The following EFR3B variants were observed in gnomAD, a reference collection of about 807,000 sequenced individuals.
The protein encoded by EFR3B is protein EFR3 homolog B.
Under a neutral mutation model 104.7 loss-of-function variants are expected in EFR3B, and 64 were observed. The observed-to-expected ratio is 0.61, with a 90% CI of 0.50 to 0.75. The LOEUF (loss-of-function observed/expected upper bound fraction) is 0.75. Among genes scored for constraint, EFR3B ranks in the 30% least tolerant of loss-of-function variants. The pLI, the probability that EFR3B is intolerant of heterozygous loss-of-function variation, is 0.00. For missense variants in EFR3B, 750 were observed against 1,078.5 expected (o/e 0.70, Z 4.27); for synonymous variants, 385 against 417.9 (o/e 0.92, Z 0.96).
chr2:25,064,191 GC>G (rs1668271801), intron 1 of EFR3B, among the ~76,000 whole-genome samples: 1 of 152,218 alleles, frequency 6.6e-6, no homozygotes, highest in South Asian at 2.1e-4. Context: ...TCTGGGCATG[GC>G]GCCTGTCTTG....
At position 25,156,291 on chromosome 2, in the gene EFR3B, T is replaced by G. The variant is rs11463493; in HGVS notation, c.*1951T>G. The G allele has an allele frequency of 4.0e-5, 2 of 50,124 alleles. No homozygotes were observed. Among genetic ancestry groups the G allele is most frequent in the Non-Finnish European group, 6.7e-5 (2 of 29,986 alleles). 3.1% of individuals were successfully genotyped at this position (50,124 alleles called of 1,614,324 possible). On this transcript the variant is annotated 3_prime_UTR_variant, in exon 23 of 23. Transcript: ENST00000403714. ...GTGGGCACACAGCTTCTTTTTCTTG[T>G]TTTTTTTTTTTTTTTTTTTTTTTTG... is the stretch of plus-strand genomic sequence containing the variant.
Position 25,157,605 on chromosome 2 carries a change from A to C in EFR3B, c.*3265A>C, listed in dbSNP as rs1410734066. ...GACTCTAGCTGTGTGGGGAAGGGCT[A>C]GCATTGGTCAGGACTCTGCTGACAG... is the stretch of plus-strand genomic sequence containing the variant. On this transcript the variant is annotated 3_prime_UTR_variant, in exon 23 of 23. Coordinates refer to ENST00000403714, the MANE Select transcript of EFR3B (RefSeq NM_014971.2). 6.6e-6 allele frequency: 1 copy of C among 152,274 alleles called. No individual in the cohort carries two copies. Among genetic ancestry groups the C allele is most frequent in the Non-Finnish European group, 1.5e-5 (1 of 68,064 alleles). The allele number at this position is 152,274 out of a possible 1,614,324, so 9.4% of individuals were successfully genotyped here. A position where few individuals can be genotyped will look rare whatever the true frequency, so the allele number is the denominator to read the frequency against.
At chr2:25,153,621 C>T in intron 21 of EFR3B, 91 bp from the exon 22 acceptor site, 1 of 1,310,878 alleles carries the variant, frequency 7.6e-7, no homozygotes, top group African/African-American at 1.5e-5. Context: ...TGCCCTGTAC[C>T]TCCAGCGTAT....
chr2:25,118,976 G>T (rs929912625), intron 4 of EFR3B, among the ~76,000 whole-genome samples: 1 of 152,026 alleles, frequency 6.6e-6, no homozygotes, highest in South Asian at 2.1e-4. Flanking sequence ...ATTAATTTTG[G>T]CCATTCATTC....
In EFR3B at chr2:25,042,587, G is replaced by T; in HGVS notation, c.7+268G>T. ...TCGGGGGGCGGAGGCTCAGGGGAAA[G>T]CGGGTCTCCCGGAGCCGAGCAGACC... On this transcript the variant is annotated intron_variant, in intron 1 of 22. Transcript: ENST00000403714. The surrounding 1 kb of genome is among the most constrained non-coding windows in gnomAD (Gnocchi z 5.4). 1.7e-6 allele frequency: 2 copies of T among 1,196,104 alleles called. No individual in the cohort carries two copies. Among genetic ancestry groups the T allele is most frequent in the Non-Finnish European group, 2.1e-6 (2 of 965,334 alleles). The allele number at this position is 1,196,104 out of a possible 1,614,324, so 74.1% of individuals were successfully genotyped here.
In EFR3B at chr2:25,132,975, G is replaced by C; in HGVS notation, c.1220G>C (p.Arg407Pro). The C allele has an allele frequency of 1.3e-6, 2 of 1,551,590 alleles. No homozygotes were observed. The highest frequency in any genetic ancestry group is 1.7e-6 in the Non-Finnish European group (2 of 1,146,964). The change falls in exon 11 of 23, where the codon CGG becomes CCG. Residue 407 changes from arginine to proline, a missense_variant. By Grantham distance (103) the Arg-to-Pro change is moderately radical. Transcript: ENST00000403714. ...CTCTTCATCATGAGCAAGGTCCCGC[G>C]GCCATCCCTGCACCAGGCGGTGGAC... ...VILFIMSKVP[R>P]PSLHQAVDTG...
At position 25,156,974 on chromosome 2, in the gene EFR3B, TG is replaced by T. The variant is rs1388486701; in HGVS notation, c.*2636del. 1 of 152,212 alleles carries T rather than the reference TG, an allele frequency of 6.6e-6. No individual in the cohort carries two copies. The highest frequency in any genetic ancestry group is 1.5e-5 in the Non-Finnish European group (1 of 68,044). The allele number at this position is 152,212 out of a possible 1,614,324, so 9.4% of individuals were successfully genotyped here. A position where few individuals can be genotyped will look rare whatever the true frequency, so the allele number is the denominator to read the frequency against. On this transcript the variant is annotated 3_prime_UTR_variant, in exon 23 of 23. Coordinates refer to ENST00000403714, the MANE Select transcript of EFR3B (RefSeq NM_014971.2). ...CATCCTGAGCACTGCCTGTGAGCCC[TG>T]GTTCTGGGACTTGGCAGTCGCCTCC...
In EFR3B at chr2:25,131,813, C is replaced by G; in HGVS notation, c.1049C>G (p.Ala350Gly). Residue 350 changes from alanine to glycine, a missense_variant, in exon 10 of 23, where the codon GCG becomes GGG. Ala to Gly is a moderately conservative substitution (Grantham distance 60, BLOSUM62 0). Coordinates refer to ENST00000403714, the MANE Select transcript of EFR3B (RefSeq NM_014971.2). The surrounding 1 kb of genome is among the most constrained non-coding windows in gnomAD (Gnocchi z 7.6). ...CAGCTGCGGCTCAGCATCGACTACG[C>G]GCTGACCGGGAGCTACGACGGGGCG... is the stretch of plus-strand genomic sequence containing the variant. ...LRQLRLSIDY[A>G]LTGSYDGAVS... The G allele has an allele frequency of 6.5e-7, 1 of 1,549,534 alleles. No individual in the cohort carries two copies. Among genetic ancestry groups the G allele is most frequent in the South Asian group, 1.2e-5 (1 of 83,766 alleles).
At chr2:25,089,212 C>G (rs1553389795) in intron 1 of EFR3B, among the ~76,000 whole-genome samples, 1 of 152,078 alleles carries the variant, frequency 6.6e-6, no homozygotes, top group Non-Finnish European at 1.5e-5. Flanking sequence ...TCTCAGGGAA[C>G]CCTCTCCAGC....
chr2:25,077,495 T>G (rs1002049744), intron 1 of EFR3B, among the ~76,000 whole-genome samples: 3 of 152,214 alleles, frequency 2.0e-5, no homozygotes, highest in Non-Finnish European at 2.9e-5. Flanking sequence ...TTCACCATGT[T>G]GGCCAGGCTA....
chr2:25,073,835 C>T (rs935758663), intron 1 of EFR3B, among the ~76,000 whole-genome samples: 5 of 152,196 alleles, frequency 3.3e-5, no homozygotes, highest in African/African-American at 1.2e-4. Flanking sequence ...CTTCCAGGCT[C>T]TGCCTCAATT....
At chr2:25,059,900 AAG>A in intron 1 of EFR3B, among the ~76,000 whole-genome samples, 1 of 145,964 alleles carries the variant, frequency 6.9e-6, no homozygotes, top group African/African-American at 2.5e-5. Context: ...AAAAAAAAAA[AAG>A]ACTAAAATGG....
chr2:25,127,650 GCA>G (rs1670205022), intron 5 of EFR3B, among the ~76,000 whole-genome samples: 1 of 152,186 alleles, frequency 6.6e-6, no homozygotes, highest in African/African-American at 2.4e-5. Flanking sequence ...GGTTCACATA[GCA>G]GGGACTGGGG....
intron 4 of EFR3B, among the ~76,000 whole-genome samples, chr2:25,113,598 G>A (rs542615679): frequency 6.6e-6 from 1 of 151,854 alleles, no homozygotes; most frequent in East Asian, 1.9e-4. Flanking sequence ...AACCTGGGAG[G>A]TGGAGCTTGC....
At chr2:25,051,083 C>G (rs542588921) in intron 1 of EFR3B, among the ~76,000 whole-genome samples, 24 of 152,178 alleles carry the variant, frequency 1.6e-4, no homozygotes, top group South Asian at 8.3e-4. Flanking sequence ...GCTCCACCCC[C>G]CTTTGCAGTT....
At position 25,133,395 on chromosome 2, in the gene EFR3B, C is replaced by T; in HGVS notation, c.1272C>T (p.Asn424=). The part of the protein sequence containing the change: ...VDTGRTGENR[N]RLTQIMLLKS... The stretch of plus-strand genomic sequence containing the variant: ...CTCTGGTCTACAGGGAGAATAGGAA[C>T]CGTCTGACCCAGATTATGCTGCTAA... Residue 424 remains asparagine (N), a synonymous_variant, in exon 12 of 23, where the codon AAC becomes AAT. Coordinates refer to ENST00000403714, the MANE Select transcript of EFR3B (RefSeq NM_014971.2). 3 of 1,552,388 alleles carry T rather than the reference C, an allele frequency of 1.9e-6. No homozygotes were observed. Among genetic ancestry groups the T allele is most frequent in the Non-Finnish European group, 1.7e-6 (2 of 1,147,152 alleles).
intron 16 of EFR3B, 27 bp from the exon 17 acceptor site, chr2:25,141,339 T>C: frequency 6.5e-7 from 1 of 1,550,386 alleles, no homozygotes; most frequent in South Asian, 1.2e-5. Flanking sequence ...CTGAACCAGC[T>C]CTTATCTGAT....
Position 25,042,256 on chromosome 2 carries a change from G to A in EFR3B, c.-57G>A. 1 of 1,308,148 alleles carries A rather than the reference G, an allele frequency of 7.6e-7. No homozygotes were observed. Among genetic ancestry groups the A allele is most frequent in the South Asian group, 2.1e-5 (1 of 47,400 alleles). The allele number at this position is 1,308,148 out of a possible 1,614,324, so 81.0% of individuals were successfully genotyped here. ...GAATGAAAGGCGGGCGCCGCCGAGG[G>A]CTGGCTGGGAACGCCGCAGCGACGC... On this transcript the variant is annotated 5_prime_UTR_variant, in exon 1 of 23. Transcript: ENST00000403714. The surrounding 1 kb of genome is among the most constrained non-coding windows in gnomAD (Gnocchi z 5.4).
In EFR3B at chr2:25,137,169, T is replaced by G. The variant is rs2149208195; in HGVS notation, c.1561-172T>G. ...AGCCCATCCTTCCCTACGTGAGCCT[T>G]CCTGTGTGTGTCTGCTTCTGCCAGA... On this transcript the variant is annotated intron_variant, in intron 14 of 22. Coordinates refer to ENST00000403714, the MANE Select transcript of EFR3B (RefSeq NM_014971.2). This position sits in a 1 kb window ranked among gnomAD's most constrained non-coding sequence, Gnocchi z 4.7. Among the ~76,000 whole-genome samples, 1 of 152,232 alleles carries G rather than the reference T, an allele frequency of 6.6e-6. No homozygotes were observed.
Sources: allele counts gnomAD v4.1 joint callset (sites outside exome capture counted in the v4.1 genomes callset), GRCh38; gene constraint gnomAD v4.1.1; non-coding constraint Gnocchi (gnomAD v3.1); transcripts MANE v1.5; gene names NCBI Gene and HGNC (gene_info 2026-07-23, HGNC 2026-07-21).